RFX4: variants seen among roughly 807,000 people sequenced by gnomAD.
RFX4 encodes transcription factor RFX4.
RFX4 carries 10 observed loss-of-function variants against 95.0 expected under a neutral mutation model. The ratio of observed to expected loss-of-function variants is 0.11; its 90% CI spans 0.06 to 0.18. The LOEUF (loss-of-function observed/expected upper bound fraction) is 0.18, where lower values mean the gene tolerates loss of function less well. RFX4 is among the 10% of genes least tolerant of loss of function. RFX4 has a pLI of 1.00. For synonymous variants in RFX4, 321 were observed against 340.7 expected (o/e 0.94, Z 0.64); for missense variants, 640 against 922.0 (o/e 0.69, Z 3.96).
rs769789981 is a variant in RFX4, at chr12:106,761,372, C to T, written c.2111C>T (p.Pro704Leu). The T allele has an allele frequency of 3.1e-6, 5 of 1,614,160 alleles. No homozygotes were observed. Among genetic ancestry groups the T allele is most frequent in the Non-Finnish European group, 4.2e-6 (5 of 1,180,030 alleles). ...RYGNSSDMYTPLTTRRNSEYE... is the reference protein window; with the variant it reads ...RYGNSSDMYTLLTTRRNSEYE... The stretch of plus-strand genomic sequence containing the variant: ...GGAAACTCTAGTGACATGTATACAC[C>T]TCTGACAACGCGCAGGAATTCTGAA... Residue 704 changes from proline to leucine, a missense_variant, in exon 18 of 18, where the codon CCT becomes CTT. Transcript: ENST00000392842.
chr12:106,589,986 T>C (rs1424076586), intron 1 of RFX4, among the ~76,000 whole-genome samples: 1 of 152,256 alleles, frequency 6.6e-6, no homozygotes, highest in African/African-American at 2.4e-5. Context: ...TTCTGCTACA[T>C]ACTGGGCTTA....
At chr12:106,627,304 G>A (rs997707765) in intron 2 of RFX4, among the ~76,000 whole-genome samples, 4 of 152,142 alleles carry the variant, frequency 2.6e-5, no homozygotes, top group African/African-American at 7.2e-5. Flanking sequence ...TTGGTAGGCC[G>A]AGGCAGGCGG....
intron 2 of RFX4, among the ~76,000 whole-genome samples, chr12:106,609,525 G>A (rs1311262238): frequency 6.6e-6 from 1 of 152,134 alleles, no homozygotes; most frequent in Non-Finnish European, 1.5e-5. Context: ...TTCTTCCATG[G>A]TTGGTAAAGT....
At chr12:106,744,652 G>T (rs2042860775) in intron 15 of RFX4, among the ~76,000 whole-genome samples, 1 of 152,152 alleles carries the variant, frequency 6.6e-6, no homozygotes, top group African/African-American at 2.4e-5. Flanking sequence ...AGTTTAACAG[G>T]CTTGCCCAAG....
intron 7 of RFX4, chr12:106,693,178 T>C (rs1387716574): frequency 5.5e-6 from 2 of 364,340 alleles, no homozygotes; most frequent in Non-Finnish European, 1.1e-5. Flanking sequence ...CCATTCTCCC[T>C]CCTTCCTTTT....
intron 1 of RFX4, among the ~76,000 whole-genome samples, chr12:106,595,396 C>T (rs1176120177): frequency 6.6e-6 from 1 of 152,220 alleles, no homozygotes; most frequent in African/African-American, 2.4e-5. Flanking sequence ...GCAGCTCACA[C>T]TGCCATTCTT....
intron 1 of RFX4, among the ~76,000 whole-genome samples, chr12:106,603,351 C>T (rs1037600758): frequency 1.3e-5 from 2 of 152,218 alleles, no homozygotes; most frequent in African/African-American, 4.8e-5. Flanking sequence ...TATGGCTCTG[C>T]TCAACCTCAT....
chr12:106,592,510 C>T (rs1484696263), intron 1 of RFX4, among the ~76,000 whole-genome samples: 10 of 152,128 alleles, frequency 6.6e-5, no homozygotes, highest in Admixed American at 6.5e-4. Context: ...TCAGAGACGA[C>T]GTATGTTGCA....
At position 106,583,148 on chromosome 12, in the gene RFX4, T is replaced by C; in HGVS notation, c.-173T>C. Reference sequence around the variant, plus strand: ...TTTCTTCTTTCTCTTTTCTTTCCTCTTCTTTTTCTTTTCTTTTCCTTTCCT... The same window carrying C: ...TTTCTTCTTTCTCTTTTCTTTCCTCCTCTTTTTCTTTTCTTTTCCTTTCCT... On this transcript the variant is annotated 5_prime_UTR_variant, in exon 1 of 18. Transcript: ENST00000392842. 1.9e-6 allele frequency: 1 copy of C among 516,306 alleles called. No homozygotes were observed. Among genetic ancestry groups the C allele is most frequent in the Non-Finnish European group, 3.2e-6 (1 of 308,868 alleles). 32.0% of individuals were successfully genotyped at this position (516,306 alleles called of 1,614,324 possible).
intron 1 of RFX4, among the ~76,000 whole-genome samples, chr12:106,595,504 C>T (rs1411178649): frequency 6.6e-6 from 1 of 152,188 alleles, no homozygotes; most frequent in African/African-American, 2.4e-5. Flanking sequence ...ACGGGCACTC[C>T]TCCCTGAGTG....
chr12:106,618,625 A>G (rs536476667), intron 2 of RFX4, among the ~76,000 whole-genome samples: 2 of 151,922 alleles, frequency 1.3e-5, no homozygotes, highest in African/African-American at 4.8e-5. Context: ...TTTATTTTCA[A>G]TCTTACTATA....
chr12:106,728,331 G>T (rs990335824), intron 13 of RFX4, among the ~76,000 whole-genome samples: 1 of 123,602 alleles, frequency 8.1e-6, no homozygotes, highest in Non-Finnish European at 1.7e-5. Context: ...TACCTTCTTT[G>T]CAGTGTTGTT....
chr12:106,668,242 C>G (rs2137358975), intron 4 of RFX4, among the ~76,000 whole-genome samples: 1 of 152,230 alleles, frequency 6.6e-6, no homozygotes, highest in Admixed American at 6.5e-5. Flanking sequence ...CTGCTAGACT[C>G]CAAAAACTAT....
intron 17 of RFX4, among the ~76,000 whole-genome samples, chr12:106,760,374 A>G (rs1041779649): frequency 3.9e-5 from 6 of 152,206 alleles, no homozygotes; most frequent in African/African-American, 1.4e-4. Flanking sequence ...ATGTAAAAGA[A>G]GAAGCACTTC....
chr12:106,624,058 A>C (rs1257722106), intron 2 of RFX4, among the ~76,000 whole-genome samples: 2 of 152,154 alleles, frequency 1.3e-5, no homozygotes, highest in Non-Finnish European at 2.9e-5. Flanking sequence ...AAGACAATAA[A>C]ATGGAACAAG....
chr12:106,713,102 G>A (rs933853896), intron 10 of RFX4, among the ~76,000 whole-genome samples: 2 of 152,138 alleles, frequency 1.3e-5, no homozygotes, highest in East Asian at 1.9e-4. Flanking sequence ...GCTTTCAGAC[G>A]CATTCCCAGA....
intron 11 of RFX4, 75 bp from the exon 12 acceptor site, chr12:106,719,885 C>A: frequency 8.6e-7 from 1 of 1,167,092 alleles, no homozygotes; most frequent in Non-Finnish European, 1.3e-6. Flanking sequence ...AGTTTTGTTC[C>A]TCTGTTCTTT....
At chr12:106,686,653 T>G (rs576945245) in intron 5 of RFX4, among the ~76,000 whole-genome samples, 31 of 152,178 alleles carry the variant, frequency 2.0e-4, no homozygotes, top group Middle Eastern at 3.4e-3. Flanking sequence ...GGAGGCAATT[T>G]TGGTTATTTT....
At chr12:106,616,035 T>C (rs920568415) in intron 2 of RFX4, among the ~76,000 whole-genome samples, 1 of 152,190 alleles carries the variant, frequency 6.6e-6, no homozygotes, top group African/African-American at 2.4e-5. Flanking sequence ...ATTGCCTTTT[T>C]CCCAACCTAA....
Sources: allele counts gnomAD v4.1 joint callset (sites outside exome capture counted in the v4.1 genomes callset), GRCh38; gene constraint gnomAD v4.1.1; transcripts MANE v1.5; gene names NCBI Gene and HGNC (gene_info 2026-07-23, HGNC 2026-07-21).